The following RBL1 variants were observed in gnomAD, a reference collection of about 807,000 sequenced individuals.
RBL1 encodes retinoblastoma-like protein 1.
RBL1 carries 82 observed loss-of-function variants against 123.0 expected under a neutral mutation model. That is an observed-to-expected ratio of 0.67 (90% CI 0.56 to 0.80). The LOEUF (loss-of-function observed/expected upper bound fraction) is 0.80. Among genes scored for constraint, RBL1 ranks in the 30% least tolerant of loss-of-function variants. The probability of loss-of-function intolerance (pLI) is 0.00; values close to 1 mark genes in which losing one functional copy is unlikely to be tolerated. For synonymous variants in RBL1, 405 were observed against 441.3 expected (o/e 0.92, Z 1.03); for missense variants, 1,171 against 1,299.6 (o/e 0.90, Z 1.52).
chr20:36,998,554 A>C lies in RBL1; in HGVS notation c.*205T>G. 1.9e-6 allele frequency: 1 copy of C among 525,484 alleles called. No homozygotes were observed. Among genetic ancestry groups the C allele is most frequent in the Non-Finnish European group, 3.3e-6 (1 of 304,618 alleles). 32.6% of individuals were successfully genotyped at this position (525,484 alleles called of 1,614,324 possible). On this transcript the variant is annotated 3_prime_UTR_variant, in exon 22 of 22. Transcript: ENST00000373664. ...ATTAGTATTTTTAAAAGGCACTTAAAATATTCCTTTCCAATCCAACTCAAA... is the reference window on the plus strand; with the variant it reads ...ATTAGTATTTTTAAAAGGCACTTAACATATTCCTTTCCAATCCAACTCAAA...
At chr20:37,035,177 C>T (rs1317715465) in intron 15 of RBL1, 65 bp downstream of exon 15, 3 of 1,415,900 alleles carry the variant, frequency 2.1e-6, no homozygotes, top group Non-Finnish European at 2.9e-6. Flanking sequence ...GTGATCTAAT[C>T]CACTAAGACA....
At chr20:37,029,268 G>C (rs1035801019) in intron 16 of RBL1, among the ~76,000 whole-genome samples, 2 of 152,124 alleles carry the variant, frequency 1.3e-5, no homozygotes, top group African/African-American at 2.4e-5. Context: ...AGGAGCCCCT[G>C]CATATACCTG....
chr20:37,019,148 A>G (rs983407981), intron 18 of RBL1, among the ~76,000 whole-genome samples: 1 of 151,888 alleles, frequency 6.6e-6, no homozygotes, highest in Non-Finnish European at 1.5e-5. Flanking sequence ...GGCTCAGGCA[A>G]TCTGTCTGCC....
chr20:37,074,083 C>G (rs1375210792), intron 2 of RBL1, among the ~76,000 whole-genome samples: 1 of 152,026 alleles, frequency 6.6e-6, no homozygotes, highest in Non-Finnish European at 1.5e-5. Flanking sequence ...TGCACTCCAG[C>G]CTGGGCAACA....
intron 21 of RBL1, among the ~76,000 whole-genome samples, chr20:37,000,934 C>CGGGAGGGAGGCA (rs2063965878): frequency 6.9e-6 from 1 of 144,772 alleles, no homozygotes; most frequent in African/African-American, 2.6e-5. Flanking sequence ...CCGCCCCATC[C>CGGGAGGGAGGCA]GGGAGGTGAG....
intron 11 of RBL1, chr20:37,049,249 T>G (rs2064865341): frequency 2.0e-6 from 1 of 512,198 alleles, no homozygotes; most frequent in Non-Finnish European, 3.5e-6. Flanking sequence ...ATCCGCCATC[T>G]GCAAATGCAG....
chr20:37,077,006 G>A (rs1020804480), intron 2 of RBL1, among the ~76,000 whole-genome samples: 3 of 150,292 alleles, frequency 2.0e-5, no homozygotes, highest in Non-Finnish European at 3.0e-5. Context: ...GCACAATCGC[G>A]GCTCACTGCA....
chr20:37,018,306 T>G lies in RBL1; in HGVS notation c.2695A>C (p.Asn899His). 1 of 1,611,330 alleles carries G rather than the reference T, an allele frequency of 6.2e-7. No individual in the cohort carries two copies. Among genetic ancestry groups the G allele is most frequent in the Non-Finnish European group, 8.5e-7 (1 of 1,179,132 alleles). Residue 899 changes from asparagine (N) to histidine (H), a missense_variant, in exon 19 of 22, where the codon AAT (asparagine) becomes CAT (histidine). Transcript: ENST00000373664. ...CAATCTATCATTTCAAAGTCATCATTTATATTTTTATTATATGCCACAACT... is the reference window on the plus strand; with the variant it reads ...CAATCTATCATTTCAAAGTCATCATGTATATTTTTATTATATGCCACAACT... ...REVVAYNKNI[N>H]DDFEMIDCDL...
chr20:37,000,078 A>C (rs375314003), intron 21 of RBL1, among the ~76,000 whole-genome samples: 1 of 139,028 alleles, frequency 7.2e-6, no homozygotes, highest in African/African-American at 2.9e-5. Context: ...CATCTTCTGC[A>C]ATGTGGGGAG....
At chr20:37,005,765 G>T (rs542860461) in intron 20 of RBL1, among the ~76,000 whole-genome samples, 2 of 152,066 alleles carry the variant, frequency 1.3e-5, no homozygotes, top group South Asian at 4.2e-4. Context: ...TCTGAGGATA[G>T]TCATAGACCA....
At chr20:37,041,090 T>C (rs1600514217) in intron 13 of RBL1, among the ~76,000 whole-genome samples, 2 of 152,306 alleles carry the variant, frequency 1.3e-5, no homozygotes, top group South Asian at 4.1e-4. Context: ...CAAGAAACCA[T>C]CTTCTTTCCA....
chr20:37,007,780 G>A (rs537756109), intron 19 of RBL1, among the ~76,000 whole-genome samples: 38 of 151,912 alleles, frequency 2.5e-4, no homozygotes, highest in African/African-American at 8.4e-4. Context: ...TAGTAGAGAC[G>A]GGGTTTTGCC....
intron 9 of RBL1, among the ~76,000 whole-genome samples, chr20:37,056,820 TTGACTATACTA>T (rs1568864357): frequency 6.6e-6 from 1 of 152,224 alleles, no homozygotes; most frequent in African/African-American, 2.4e-5. Context: ...TGCTGTAAGT[TTGACTATACTA>T]TGTACCTTAT....
At chr20:37,048,997 T>C (rs1370146202) in intron 11 of RBL1, among the ~76,000 whole-genome samples, 3 of 148,876 alleles carry the variant, frequency 2.0e-5, no homozygotes, top group Non-Finnish European at 4.4e-5. Context: ...AGGTCAGGAG[T>C]TCGAGACCAG....
At chr20:37,013,381 T>C (rs1600461088) in intron 19 of RBL1, among the ~76,000 whole-genome samples, 1 of 151,654 alleles carries the variant, frequency 6.6e-6, no homozygotes, top group Non-Finnish European at 1.5e-5. Flanking sequence ...AAACAGATGC[T>C]TGAAGGCAGC....
intron 17 of RBL1, among the ~76,000 whole-genome samples, chr20:37,021,589 C>T (rs777762112): frequency 5.3e-5 from 8 of 151,904 alleles, no homozygotes; most frequent in Admixed American, 1.3e-4. Flanking sequence ...GGACTACAGG[C>T]GCGTGCCACC....
chr20:37,095,973 T>A lies in RBL1; in HGVS notation c.-45A>T. The stretch of plus-strand genomic sequence containing the variant: ...TGCGCGCCACGGCCCCCGACTTCTT[T>A]CTCCCTCCCAGGCGCGCTACCCACA... On this transcript the variant is annotated 5_prime_UTR_variant, in exon 1 of 22. Transcript: ENST00000373664. 7.0e-7 allele frequency: 1 copy of A among 1,428,378 alleles called. No individual in the cohort carries two copies. The highest frequency in any genetic ancestry group is 9.3e-7 in the Non-Finnish European group (1 of 1,077,060). The allele number at this position is 1,428,378 out of a possible 1,614,324, so 88.5% of individuals were successfully genotyped here. A position where few individuals can be genotyped will look rare whatever the true frequency, so the allele number is the denominator to read the frequency against.
intron 16 of RBL1, among the ~76,000 whole-genome samples, chr20:37,023,241 C>T (rs140292668): frequency 1.3e-5 from 2 of 152,198 alleles, no homozygotes; most frequent in African/African-American, 4.8e-5. Context: ...CCTGCCTCAG[C>T]CTCCCGAGTA....
chr20:37,049,880 T>C (rs2064878540), intron 11 of RBL1, among the ~76,000 whole-genome samples: 1 of 151,828 alleles, frequency 6.6e-6, no homozygotes, highest in Non-Finnish European at 1.5e-5. Flanking sequence ...CTGACTAACA[T>C]GGAGAAACCC....
Sources: gnomAD v4.1 joint callset for allele counts (sites outside exome capture counted in the v4.1 genomes callset) on GRCh38, gnomAD v4.1.1 for gene constraint, MANE v1.5 for transcripts, NCBI Gene and HGNC (gene_info 2026-07-23, HGNC 2026-07-21) for gene names.